TENM1: variants seen among roughly 807,000 people sequenced by gnomAD.
TENM1 encodes the protein teneurin transmembrane protein 1, also known as teneurin-1.
Under a neutral mutation model 174.8 loss-of-function variants are expected in TENM1, and 35 were observed. That is an observed-to-expected ratio of 0.20 (90% CI 0.15 to 0.27). The LOEUF is 0.27. Ranked by LOEUF, TENM1 falls within the 10% of genes least tolerant of loss-of-function variation. The pLI, the probability that TENM1 is intolerant of heterozygous loss-of-function variation, is 1.00. For missense variants in TENM1, 1,633 were observed against 2,130.1 expected, an observed-to-expected ratio of 0.77 and a Z score of 4.59; for synonymous variants, 781 against 798.7, an observed-to-expected ratio of 0.98 and a Z score of 0.37.
exon 25 of TENM1, chrX:124,420,790 C>T (rs766123879): frequency 8.3e-7 from 1 of 1,207,568 alleles, no homozygotes; most frequent in South Asian, 1.8e-5. Context: ...AAGGGGCTTT[C>T]ATCTTTGCAT....
chrX:124,757,592 C>T (rs988585414), intron 3 of TENM1, among the ~76,000 whole-genome samples: 15 of 112,450 alleles, frequency 1.3e-4, no homozygotes, highest in Non-Finnish European at 2.4e-4. Flanking sequence ...GCGTCGCTCA[C>T]GCTGGGAGCT....
At chrX:125,035,168 G>A in the TENM1 span, among the ~76,000 whole-genome samples, 3 of 111,235 alleles carry the variant, frequency 2.7e-5, no homozygotes, top group South Asian at 1.1e-3. Flanking sequence ...ATATTTGGAA[G>A]TATCGGGAAG....
At chrX:124,984,659 T>A in the TENM1 span, among the ~76,000 whole-genome samples, 1 of 111,616 alleles carries the variant, frequency 9.0e-6, no homozygotes, top group Non-Finnish European at 1.9e-5. Flanking sequence ...CTTCTGTGGA[T>A]TTAACATTAA....
chrX:125,046,369 C>G, the TENM1 span, among the ~76,000 whole-genome samples: 1 of 112,132 alleles, frequency 8.9e-6, no homozygotes, highest in Non-Finnish European at 1.9e-5. Flanking sequence ...AGTATGTGAA[C>G]CTTCCCAAGC....
At chrX:125,148,713 C>T in the TENM1 span, among the ~76,000 whole-genome samples, 1 of 111,697 alleles carries the variant, frequency 9.0e-6, no homozygotes, top group African/African-American at 3.3e-5. Flanking sequence ...TGTTCCTGTT[C>T]GTAGTGGCTG....
intron 6 of TENM1, among the ~76,000 whole-genome samples, chrX:124,654,647 G>A (rs1489660711): frequency 1.8e-5 from 2 of 111,447 alleles, no homozygotes; most frequent in African/African-American, 6.5e-5. Flanking sequence ...GGAGCAGTTG[G>A]AGTTAGGGCT....
chrX:125,169,639 A>C, the TENM1 span, among the ~76,000 whole-genome samples: 15 of 111,618 alleles, frequency 1.3e-4, no homozygotes, highest in East Asian at 2.8e-4. Context: ...TCAATAGCTA[A>C]GTTTCTATTC....
the TENM1 span, among the ~76,000 whole-genome samples, chrX:125,149,847 G>A: frequency 9.0e-6 from 1 of 111,632 alleles, no homozygotes; most frequent in Non-Finnish European, 1.9e-5. Flanking sequence ...GTGCAATGAA[G>A]GAATACAACA....
chrX:124,869,236 G>GA (rs1182143808), intron 3 of TENM1, among the ~76,000 whole-genome samples: 25 of 99,293 alleles, frequency 2.5e-4, no homozygotes, highest in Admixed American at 4.3e-4. Context: ...CTGTTTCAAG[G>GA]AAAAAAAAAA....
chrX:124,797,179 A>G (rs2055324674), intron 3 of TENM1, among the ~76,000 whole-genome samples: 1 of 111,900 alleles, frequency 8.9e-6, no homozygotes, highest in South Asian at 3.7e-4. Flanking sequence ...TAGCCCATGA[A>G]GTGCCCTGTA....
intron 4 of TENM1, among the ~76,000 whole-genome samples, chrX:124,728,142 G>A (rs5958564): frequency 0.17 from 18,590 of 108,344 alleles, 2,187 homozygotes; most frequent in African/African-American, 0.42. Flanking sequence ...GAGACTTTCT[G>A]AAGAAAAAAA....
At chrX:124,787,844 G>T in intron 3 of TENM1, among the ~76,000 whole-genome samples, 1 of 112,306 alleles carries the variant, frequency 8.9e-6, no homozygotes, top group Non-Finnish European at 1.9e-5. Context: ...CTTCAGCACT[G>T]TATTAGTCTG....
the TENM1 span, among the ~76,000 whole-genome samples, chrX:125,023,355 G>A: frequency 9.0e-6 from 1 of 111,196 alleles, no homozygotes; most frequent in Non-Finnish European, 1.9e-5. Context: ...TAAGTTTCGT[G>A]AGGCCTCCCC....
the TENM1 span, among the ~76,000 whole-genome samples, chrX:125,044,714 G>A: frequency 1.8e-5 from 2 of 111,160 alleles, no homozygotes; most frequent in African/African-American, 3.3e-5. Flanking sequence ...ACTTTCACAC[G>A]TCTATTAAAT....
intron 3 of TENM1, among the ~76,000 whole-genome samples, chrX:124,852,173 A>G (rs2056732243): frequency 9.0e-6 from 1 of 111,429 alleles, no homozygotes; most frequent in African/African-American, 3.3e-5. Flanking sequence ...GGTTGAAGCT[A>G]GGCTTTATGG....
At chrX:124,887,173 C>T (rs2057404286) in intron 3 of TENM1, among the ~76,000 whole-genome samples, 1 of 110,826 alleles carries the variant, frequency 9.0e-6, no homozygotes, top group Admixed American at 9.7e-5. Context: ...TTAAGTGCAG[C>T]ACTGTTTTTA....
intron 19 of TENM1, among the ~76,000 whole-genome samples, chrX:124,499,465 A>G (rs2047277469): frequency 1.8e-5 from 2 of 111,732 alleles, no homozygotes; most frequent in Admixed American, 1.9e-4. Flanking sequence ...CTTTTGCAAC[A>G]CATGATTTGC....
chrX:124,529,946 C>A, exon 16 of TENM1: 2 of 1,210,882 alleles, frequency 1.7e-6, no homozygotes, highest in Non-Finnish European at 2.2e-6. Context: ...GGAGTTCCAT[C>A]TATGGCCACC....
At chrX:124,683,098 C>G (rs1422412412) in intron 5 of TENM1, among the ~76,000 whole-genome samples, 1 of 111,809 alleles carries the variant, frequency 8.9e-6, no homozygotes, top group Non-Finnish European at 1.9e-5. Flanking sequence ...TCTGTACTAT[C>G]TTTGCAACTT....
Sources: allele counts gnomAD v4.1 joint callset (sites outside exome capture counted in the v4.1 genomes callset), GRCh38; gene constraint gnomAD v4.1.1; transcripts MANE v1.5; gene names NCBI Gene and HGNC (gene_info 2026-07-23, HGNC 2026-07-21).